Variants in DNAH9 observed in about 807,000 individuals in gnomAD.
DNAH9 encodes the protein dynein axonemal heavy chain 9.
In DNAH9, 345 loss-of-function variants were observed where a neutral mutation model predicts 471.6. That is an observed-to-expected ratio of 0.73 (90% CI 0.67 to 0.80). The LOEUF (loss-of-function observed/expected upper bound fraction) is 0.80. DNAH9 is among the 30% of genes least tolerant of loss of function. DNAH9 has a pLI of 0.00. For missense variants in DNAH9, 5,407 were observed against 5,609.2 expected, an observed-to-expected ratio of 0.96 and a Z score of 1.15; for synonymous variants, 2,093 against 2,123.6, an observed-to-expected ratio of 0.99 and a Z score of 0.40.
intron 43 of DNAH9, among the ~76,000 whole-genome samples, chr17:11,805,614 C>G (rs1234487729): frequency 4.2e-5 from 5 of 120,474 alleles, no homozygotes; most frequent in Non-Finnish European, 6.4e-5. Flanking sequence ...GTGGAGCGAT[C>G]TTGGCTCACT....
chr17:11,883,448 C>T (rs968106665), intron 55 of DNAH9, 138 bp from the exon 56 acceptor site: 3 of 1,203,550 alleles, frequency 2.5e-6, no homozygotes, highest in Non-Finnish European at 3.5e-6. Context: ...GTCTCCTGCT[C>T]ATGGTCTGAA....
chr17:11,767,496 G>T (rs1318507823), intron 36 of DNAH9, among the ~76,000 whole-genome samples: 1 of 151,920 alleles, frequency 6.6e-6, no homozygotes, highest in Non-Finnish European at 1.5e-5. Context: ...CTTTTTTCGG[G>T]TTTCATAGTT....
chr17:11,715,152 G>A (rs1375636210), intron 26 of DNAH9, among the ~76,000 whole-genome samples: 1 of 152,236 alleles, frequency 6.6e-6, no homozygotes, highest in Non-Finnish European at 1.5e-5. Context: ...ATTCATAGCT[G>A]AAATCAAGAT....
intron 33 of DNAH9, among the ~76,000 whole-genome samples, chr17:11,756,199 C>A (rs1967377236): frequency 6.6e-6 from 1 of 151,662 alleles, no homozygotes; most frequent in Non-Finnish European, 1.5e-5. Context: ...ATGGCATGAA[C>A]CCTGGAGGCA....
chr17:11,967,034 CAAAAAA>C (rs375839377), intron 68 of DNAH9, among the ~76,000 whole-genome samples: 2 of 65,124 alleles, frequency 3.1e-5, no homozygotes, highest in African/African-American at 1.1e-4. Context: ...GACTCCATCT[CAAAAAA>C]AAAAAAAAAA....
intron 38 of DNAH9, among the ~76,000 whole-genome samples, chr17:11,775,466 A>G (rs1968381060): frequency 6.6e-6 from 1 of 152,128 alleles, no homozygotes; most frequent in Non-Finnish European, 1.5e-5. Flanking sequence ...TTGGGAAAAA[A>G]TATTCCAGCT....
At chr17:11,741,270 T>A (rs2150834733) in intron 29 of DNAH9, among the ~76,000 whole-genome samples, 1 of 152,320 alleles carries the variant, frequency 6.6e-6, no homozygotes, top group African/African-American at 2.4e-5. Context: ...TAAGTAATTT[T>A]AAAATCAGAT....
intron 67 of DNAH9, among the ~76,000 whole-genome samples, chr17:11,952,785 T>C (rs1567573081): frequency 6.6e-6 from 1 of 152,146 alleles, no homozygotes; most frequent in South Asian, 2.1e-4. Context: ...CTGGTTCTCT[T>C]CTCCAGGGCT....
In DNAH9 at chr17:11,783,627, G is replaced by T; in HGVS notation, c.7719-19G>T. 6.2e-7 allele frequency: 1 copy of T among 1,603,514 alleles called. No individual in the cohort carries two copies. Among genetic ancestry groups the T allele is most frequent in the Non-Finnish European group, 8.5e-7 (1 of 1,171,060 alleles). On this transcript the variant is annotated intron_variant, in intron 39 of 68. Coordinates refer to ENST00000262442, the MANE Select transcript of DNAH9 (RefSeq NM_001372.4). The stretch of plus-strand genomic sequence containing the variant: ...TCAGTCCTCAGACACCTTTCACCTA[G>T]AGCTTCTGACTGTTCCAGGTATGAT...
intron 24 of DNAH9, among the ~76,000 whole-genome samples, chr17:11,702,795 A>G (rs1055990995): frequency 6.6e-6 from 1 of 152,110 alleles, no homozygotes; most frequent in African/African-American, 2.4e-5. Context: ...GGGAAAAGGT[A>G]GAAAGTATTC....
At chr17:11,856,217 T>C (rs1971620979) in intron 50 of DNAH9, among the ~76,000 whole-genome samples, 1 of 152,226 alleles carries the variant, frequency 6.6e-6, no homozygotes, top group Admixed American at 6.5e-5. Flanking sequence ...AATTTCTGTA[T>C]GTGCATTCTA....
At chr17:11,860,553 G>T (rs1450625659) in intron 50 of DNAH9, among the ~76,000 whole-genome samples, 1 of 151,524 alleles carries the variant, frequency 6.6e-6, no homozygotes, top group Non-Finnish European at 1.5e-5. Context: ...TTTGTGTTTT[G>T]TTTTTTGTTG....
intron 10 of DNAH9, among the ~76,000 whole-genome samples, chr17:11,642,898 A>AG (rs377385855): frequency 8.5e-6 from 1 of 118,222 alleles, no homozygotes; most frequent in East Asian, 4.2e-4. Context: ...CTGAGTAATC[A>AG]GGGGGAAAAA....
chr17:11,607,177 T>G (rs535061540), intron 1 of DNAH9, among the ~76,000 whole-genome samples: 1 of 152,310 alleles, frequency 6.6e-6, no homozygotes, highest in African/African-American at 2.4e-5. Context: ...GCCTCTGGCC[T>G]TTGTGACTAT....
intron 38 of DNAH9, among the ~76,000 whole-genome samples, chr17:11,778,955 G>A (rs913226362): frequency 3.3e-5 from 5 of 151,996 alleles, no homozygotes; most frequent in African/African-American, 9.7e-5. Context: ...GCAGTAAGCC[G>A]AGGTTGCACC....
intron 60 of DNAH9, among the ~76,000 whole-genome samples, chr17:11,903,971 A>G (rs1226938505): frequency 6.6e-6 from 1 of 152,158 alleles, no homozygotes; most frequent in East Asian, 1.9e-4. Context: ...AAATTCCTCC[A>G]TTCGTAGTGG....
At chr17:11,897,491 T>TCC (rs1166531783) in intron 59 of DNAH9, among the ~76,000 whole-genome samples, 1 of 152,200 alleles carries the variant, frequency 6.6e-6, no homozygotes, top group Non-Finnish European at 1.5e-5. Context: ...AGTGGCCACC[T>TCC]CATAGGACAG....
chr17:11,625,776 G>A (rs1020002324), intron 6 of DNAH9, among the ~76,000 whole-genome samples: 5 of 152,112 alleles, frequency 3.3e-5, no homozygotes, highest in East Asian at 1.9e-4. Flanking sequence ...TCCAGTAAGC[G>A]GCCTGGTACC....
intron 53 of DNAH9, among the ~76,000 whole-genome samples, chr17:11,877,473 T>TAAAAAAAAA (rs550300868): frequency 5.8e-5 from 4 of 68,634 alleles, no homozygotes; most frequent in African/African-American, 2.8e-4. Context: ...AAACTCTGTC[T>TAAAAAAAAA]AAAAAAAAAA....
Sources: allele counts gnomAD v4.1 joint callset (sites outside exome capture counted in the v4.1 genomes callset), GRCh38; gene constraint gnomAD v4.1.1; transcripts MANE v1.5; gene names NCBI Gene and HGNC (gene_info 2026-07-23, HGNC 2026-07-21).